DRD2: variants seen among roughly 807,000 people sequenced by gnomAD.
DRD2 encodes dopamine receptor D2.
A neutral mutation model predicts 38.0 loss-of-function variants in DRD2; 8 were observed. That is an observed-to-expected ratio of 0.21 (90% CI 0.12 to 0.38). The LOEUF (loss-of-function observed/expected upper bound fraction) is 0.38, where lower values mean the gene tolerates loss of function less well. Among genes scored for constraint, DRD2 ranks in the 10% least tolerant of loss-of-function variants. DRD2 has a pLI of 1.00. For synonymous variants in DRD2, 230 were observed against 238.6 expected, an observed-to-expected ratio of 0.96 and a Z score of 0.33; for missense variants, 403 against 607.7, an observed-to-expected ratio of 0.66 and a Z score of 3.54.
chr11:113,429,106 C>T (rs1950963603), intron 1 of DRD2, among the ~76,000 whole-genome samples: 2 of 152,212 alleles, frequency 1.3e-5, no homozygotes, highest in Non-Finnish European at 2.9e-5. Context: ...TGGTTGTTCT[C>T]GTTGCTTTTT....
At chr11:113,431,298 C>T (rs1312352952) in intron 1 of DRD2, among the ~76,000 whole-genome samples, 3 of 152,198 alleles carry the variant, frequency 2.0e-5, no homozygotes, top group Non-Finnish European at 4.4e-5. Flanking sequence ...CCTAAGGCAC[C>T]TTTCTGTGCA....
At chr11:113,416,798 G>T in intron 4 of DRD2, 65 bp downstream of exon 4, 1 of 1,590,068 alleles carries the variant, frequency 6.3e-7, no homozygotes, top group Non-Finnish European at 8.6e-7. Context: ...TGCTCCCTCA[G>T]GGCCCTTCGA....
At chr11:113,434,886 C>T (rs1427187278) in intron 1 of DRD2, among the ~76,000 whole-genome samples, 1 of 152,030 alleles carries the variant, frequency 6.6e-6, no homozygotes, top group East Asian at 1.9e-4. Context: ...GGGGGTGTCC[C>T]CAGGGGGAGG....
At chr11:113,452,037 G>T (rs1951214436) in intron 1 of DRD2, among the ~76,000 whole-genome samples, 6 of 151,988 alleles carry the variant, frequency 3.9e-5, no homozygotes. Context: ...TCACACCCCA[G>T]CCTGCCTGCC....
chr11:113,452,467 T>TGC (rs60850982), intron 1 of DRD2, among the ~76,000 whole-genome samples: 2,741 of 90,888 alleles, frequency 0.03, 26 homozygotes, highest in Non-Finnish European at 0.046. Context: ...TGTGTGTGTG[T>TGC]GTGCGCGCGC....
intron 1 of DRD2, among the ~76,000 whole-genome samples, chr11:113,468,571 G>A (rs756001333): frequency 2.0e-5 from 3 of 151,946 alleles, no homozygotes; most frequent in Non-Finnish European, 4.4e-5. Context: ...TTTTTGAGAT[G>A]GAGTCTCGTT....
intron 6 of DRD2, chr11:113,413,836 C>T (rs547084219): frequency 4.1e-5 from 9 of 221,950 alleles, no homozygotes; most frequent in South Asian, 1.4e-4. Flanking sequence ...CAAACTGCTC[C>T]GCCACCAGTC....
intron 1 of DRD2, among the ~76,000 whole-genome samples, chr11:113,446,690 CCT>C (rs1452953346): frequency 6.6e-6 from 1 of 152,194 alleles, no homozygotes; most frequent in East Asian, 1.9e-4. Context: ...TGCTGCTAAG[CCT>C]CATAATAATC....
intron 1 of DRD2, among the ~76,000 whole-genome samples, chr11:113,425,471 A>G (rs1950932209): frequency 6.6e-6 from 1 of 152,220 alleles, no homozygotes; most frequent in Admixed American, 6.5e-5. Flanking sequence ...GGGAGGTTGC[A>G]ATAGGCAAGA....
At position 113,431,069 on chromosome 11, in the gene DRD2, A is replaced by G. The variant is rs145225711; in HGVS notation, c.-31-6387T>C. ...TCACCACCCTCCAAATGTCATCTCCATCTTTCTCCCAGGTGGCCCCTGGGC... is the reference window on the plus strand; with the variant it reads ...TCACCACCCTCCAAATGTCATCTCCGTCTTTCTCCCAGGTGGCCCCTGGGC... On this transcript the variant is annotated intron_variant, in intron 1 of 7. Coordinates refer to ENST00000362072, the MANE Select transcript of DRD2 (RefSeq NM_000795.4). 9.9e-3 allele frequency among the ~76,000 whole-genome samples: 1,511 copies of G among 152,296 alleles called. 23 individuals are homozygous for G. The highest frequency in any genetic ancestry group is 0.051 in the Middle Eastern group (15 of 294).
At chr11:113,467,197 G>C (rs1408127273) in intron 1 of DRD2, among the ~76,000 whole-genome samples, 1 of 152,152 alleles carries the variant, frequency 6.6e-6, no homozygotes, top group Non-Finnish European at 1.5e-5. Flanking sequence ...AACCAAGGAA[G>C]ATGACCCAGG....
chr11:113,459,583 T>TA (rs991253074), intron 1 of DRD2, among the ~76,000 whole-genome samples: 5 of 151,946 alleles, frequency 3.3e-5, no homozygotes, highest in African/African-American at 1.2e-4. Context: ...CAGTGAGAAC[T>TA]AAAAAAGGTG....
At chr11:113,431,046 A>G (rs1018869251) in intron 1 of DRD2, among the ~76,000 whole-genome samples, 3 of 152,236 alleles carry the variant, frequency 2.0e-5, no homozygotes, top group Non-Finnish European at 4.4e-5. Context: ...CAACTTGCTC[A>G]CCACCCTCCA....
At chr11:113,452,435 C>CGTGTGTGTGTGTGTGTGT (rs759448996) in intron 1 of DRD2, among the ~76,000 whole-genome samples, 4 of 130,408 alleles carry the variant, frequency 3.1e-5, no homozygotes, top group Admixed American at 7.6e-5. Flanking sequence ...GGTGTGCATG[C>CGTGTGTGTGTGTGTGTGT]GTGTGTGTGT....
At chr11:113,447,755 A>G (rs1171072169) in intron 1 of DRD2, 3 of 152,202 alleles carry the variant, frequency 2.0e-5, no homozygotes, top group Admixed American at 1.3e-4. Flanking sequence ...ATTTCCAACC[A>G]TGTGACCTCA....
intron 1 of DRD2, among the ~76,000 whole-genome samples, chr11:113,448,766 G>A (rs1565673810): frequency 6.6e-6 from 1 of 152,176 alleles, no homozygotes; most frequent in South Asian, 2.1e-4. Flanking sequence ...TAAGGAGCTG[G>A]GTAGCTCTCC....
intron 5 of DRD2, among the ~76,000 whole-genome samples, chr11:113,415,002 G>T (rs1950811689): frequency 6.6e-6 from 1 of 152,182 alleles, no homozygotes; most frequent in Non-Finnish European, 1.5e-5. Flanking sequence ...ACATAGTGGA[G>T]AGGAAGTCAG....
intron 1 of DRD2, among the ~76,000 whole-genome samples, chr11:113,438,182 C>T (rs1168436024): frequency 6.6e-6 from 1 of 151,898 alleles, no homozygotes; most frequent in Non-Finnish European, 1.5e-5. Context: ...GTCAATGCGT[C>T]CTATTTTTAT....
At chr11:113,421,857 T>C (rs550671170) in intron 2 of DRD2, among the ~76,000 whole-genome samples, 1 of 152,206 alleles carries the variant, frequency 6.6e-6, no homozygotes, top group Non-Finnish European at 1.5e-5. Flanking sequence ...AGTGCCCAGC[T>C]CTAGTTTGAT....
Sources: gnomAD v4.1 joint callset for allele counts (sites outside exome capture counted in the v4.1 genomes callset) on GRCh38, gnomAD v4.1.1 for gene constraint, MANE v1.5 for transcripts, NCBI Gene and HGNC (gene_info 2026-07-23, HGNC 2026-07-21) for gene names.